Variants in RFTN2 observed in about 807,000 individuals in gnomAD.
RFTN2 encodes the protein raftlin-2.
In RFTN2, 34 loss-of-function variants were observed where a neutral mutation model predicts 52.7. The ratio of observed to expected loss-of-function variants is 0.64; its 90% CI spans 0.49 to 0.86. The LOEUF (loss-of-function observed/expected upper bound fraction) is 0.86. RFTN2 is among the 40% of genes least tolerant of loss of function. The pLI is 0.00. For synonymous variants in RFTN2, 203 were observed against 217.7 expected, an observed-to-expected ratio of 0.93 and a Z score of 0.59; for missense variants, 536 against 600.1, an observed-to-expected ratio of 0.89 and a Z score of 1.12.
At chr2:197,616,621 C>A (rs891082432) in intron 6 of RFTN2, among the ~76,000 whole-genome samples, 4 of 152,002 alleles carry the variant, frequency 2.6e-5, no homozygotes, top group Admixed American at 2.6e-4. Flanking sequence ...AGTTCCTTAG[C>A]GGATTTGGAT....
At chr2:197,603,452 G>C (rs1406957056) in intron 7 of RFTN2, among the ~76,000 whole-genome samples, 1 of 152,204 alleles carries the variant, frequency 6.6e-6, no homozygotes, top group Non-Finnish European at 1.5e-5. Flanking sequence ...TTATATTTAA[G>C]TAAGTTATAG....
At chr2:197,654,403 CAAAAA>C (rs371209461) in intron 1 of RFTN2, among the ~76,000 whole-genome samples, 1 of 151,344 alleles carries the variant, frequency 6.6e-6, no homozygotes, top group Non-Finnish European at 1.5e-5. Flanking sequence ...TTAAAACAAA[CAAAAA>C]AATCAAAAAC....
intron 4 of RFTN2, among the ~76,000 whole-genome samples, chr2:197,633,094 AC>A (rs1197651686): frequency 2.6e-5 from 4 of 152,176 alleles, no homozygotes; most frequent in African/African-American, 9.6e-5. Flanking sequence ...AAGCATGCCC[AC>A]AAAGGTATCA....
chr2:197,591,658 G>T (rs13391839), intron 8 of RFTN2, among the ~76,000 whole-genome samples: 9 of 151,748 alleles, frequency 5.9e-5, no homozygotes, highest in Admixed American at 2.0e-4. Flanking sequence ...GTGGTGGAGC[G>T]GGGGGGCTCA....
chr2:197,570,759 A>G lies in RFTN2; in HGVS notation c.*1249T>C, dbSNP rs895613229. ...AAAGCCACAAAAAACCCCCAAACCA[A>G]ACATATTATATGAATATTTGTGTTC... On this transcript the variant is annotated 3_prime_UTR_variant, in exon 9 of 9. Transcript: ENST00000295049. 1 of 152,192 alleles carries G rather than the reference A, an allele frequency of 6.6e-6. No individual in the cohort carries two copies. The highest frequency in any genetic ancestry group is 2.4e-5 in the African/African-American group (1 of 41,444). The allele number at this position is 152,192 out of a possible 1,614,324, so 9.4% of individuals were successfully genotyped here.
intron 8 of RFTN2, among the ~76,000 whole-genome samples, chr2:197,574,217 A>G (rs2087374835): frequency 6.6e-6 from 1 of 152,210 alleles, no homozygotes; most frequent in African/African-American, 2.4e-5. Context: ...CAGCCTATGA[A>G]AGCAGCCAGG....
In RFTN2 at chr2:197,616,086, C is replaced by T. The variant is rs566167764; in HGVS notation, c.1051-107G>A. The T allele has an allele frequency of 9.4e-5, 59 of 628,376 alleles. 1 individual carries two copies. In the Admixed American group the frequency reaches 9.6e-4, roughly 10 times the overall value. The allele number at this position is 628,376 out of a possible 1,614,324, so 38.9% of individuals were successfully genotyped here. On this transcript the variant is annotated intron_variant, in intron 6 of 8. Transcript: ENST00000295049. Reference sequence around the variant, plus strand: ...AGGATGAGGGGAGTTCACTTTCATCCGCTGCAGCCTTCCTGGGCTTCATGT... The same window carrying T: ...AGGATGAGGGGAGTTCACTTTCATCTGCTGCAGCCTTCCTGGGCTTCATGT...
At chr2:197,630,063 A>G (rs2088443049) in intron 5 of RFTN2, among the ~76,000 whole-genome samples, 1 of 152,192 alleles carries the variant, frequency 6.6e-6, no homozygotes, top group South Asian at 2.1e-4. Context: ...AGCACCTGCT[A>G]TGTGCTAAGC....
At position 197,615,022 on chromosome 2, in the gene RFTN2, G is replaced by A. The variant is rs149660208; in HGVS notation, c.1154+854C>T. ...TCCACCTTAATTCCTTTCCCTACCC[G>A]AAGAAGGTGTGGCTTTTCAGATAAA... On this transcript the variant is annotated intron_variant, in intron 7 of 8. Coordinates refer to ENST00000295049, the MANE Select transcript of RFTN2 (RefSeq NM_144629.3). 1.1e-4 allele frequency among the ~76,000 whole-genome samples: 17 copies of A among 152,194 alleles called. No individual in the cohort carries two copies. The East Asian group carries it at 1.7e-3, about 16-fold the overall frequency.
chr2:197,675,502 A>G lies in RFTN2; in HGVS notation c.-44T>C. 1 of 1,403,680 alleles carries G rather than the reference A, an allele frequency of 7.1e-7. No individual in the cohort carries two copies. Among genetic ancestry groups the G allele is most frequent in the Non-Finnish European group, 9.4e-7 (1 of 1,064,104 alleles). The allele number at this position is 1,403,680 out of a possible 1,614,324, so 87.0% of individuals were successfully genotyped here. On this transcript the variant is annotated 5_prime_UTR_variant, in exon 1 of 9. Transcript: ENST00000295049. Reference sequence around the variant, plus strand: ...TTAAATTGCAGGAAAGGGGAGGGAGAGCAGCAAATTCTGTTGTTTAAGCTG... The same window carrying G: ...TTAAATTGCAGGAAAGGGGAGGGAGGGCAGCAAATTCTGTTGTTTAAGCTG...
chr2:197,667,124 G>A (rs1454555567), intron 1 of RFTN2, among the ~76,000 whole-genome samples: 2 of 152,090 alleles, frequency 1.3e-5, no homozygotes, highest in Admixed American at 1.3e-4. Flanking sequence ...GGGATTACAG[G>A]CATGTGCCAC....
intron 5 of RFTN2, among the ~76,000 whole-genome samples, chr2:197,621,127 GT>G (rs1237167049): frequency 2.0e-5 from 3 of 151,874 alleles, no homozygotes; most frequent in Non-Finnish European, 4.4e-5. Context: ...AATCAAATTT[GT>G]TTCTGATTGA....
In RFTN2 at chr2:197,615,862, T is replaced by C; in HGVS notation, c.1154+14A>G. ...AGAATTAAATGATAGTATGTAAGGA[T>C]ACTTTTGCCTTACCTGTCATGTCTC... is the stretch of plus-strand genomic sequence containing the variant. On this transcript the variant is annotated intron_variant, in intron 7 of 8. Transcript: ENST00000295049. 1 of 1,344,810 alleles carries C rather than the reference T, an allele frequency of 7.4e-7. No homozygotes were observed. Among genetic ancestry groups the C allele is most frequent in the Non-Finnish European group, 1.0e-6 (1 of 960,412 alleles). The allele number at this position is 1,344,810 out of a possible 1,614,324, so 83.3% of individuals were successfully genotyped here.
intron 8 of RFTN2, among the ~76,000 whole-genome samples, chr2:197,574,161 T>C (rs548727829): frequency 6.6e-6 from 1 of 152,270 alleles, no homozygotes; most frequent in Non-Finnish European, 1.5e-5. Flanking sequence ...GTAGATCCAC[T>C]GACAGCTTGC....
chr2:197,618,647 C>T (rs556021032), intron 5 of RFTN2, among the ~76,000 whole-genome samples: 1 of 151,568 alleles, frequency 6.6e-6, no homozygotes, highest in Non-Finnish European at 1.5e-5. Context: ...TGAGGAGCGC[C>T]TCTTCCCGGC....
intron 1 of RFTN2, among the ~76,000 whole-genome samples, chr2:197,668,238 C>T (rs999950118): frequency 2.0e-5 from 3 of 152,106 alleles, no homozygotes; most frequent in Admixed American, 6.5e-5. Context: ...GCTGTGTGCT[C>T]TGGCATGTTG....
chr2:197,658,522 G>T (rs1031827515), intron 1 of RFTN2, among the ~76,000 whole-genome samples: 1 of 151,798 alleles, frequency 6.6e-6, no homozygotes, highest in Non-Finnish European at 1.5e-5. Context: ...CCTGGACTCA[G>T]GCTATCCTCG....
intron 4 of RFTN2, among the ~76,000 whole-genome samples, chr2:197,632,171 G>A (rs918786561): frequency 5.9e-5 from 9 of 152,194 alleles, no homozygotes; most frequent in African/African-American, 1.9e-4. Flanking sequence ...AGGAATGGGT[G>A]GAAGATAGTG....
At chr2:197,599,154 T>C (rs1477573109) in intron 7 of RFTN2, among the ~76,000 whole-genome samples, 1 of 152,082 alleles carries the variant, frequency 6.6e-6, no homozygotes, top group Non-Finnish European at 1.5e-5. Context: ...GGTTTCACCG[T>C]GGACTCGATC....
Sources: gnomAD v4.1 joint callset for allele counts (sites outside exome capture counted in the v4.1 genomes callset) on GRCh38, gnomAD v4.1.1 for gene constraint, MANE v1.5 for transcripts, NCBI Gene and HGNC (gene_info 2026-07-23, HGNC 2026-07-21) for gene names.